The following CYP2A13 variants were observed in gnomAD, a reference collection of about 807,000 sequenced individuals.
The protein encoded by CYP2A13 is cytochrome P450 2A13.
CYP2A13 carries 30 observed loss-of-function variants against 39.4 expected under a neutral mutation model. The observed-to-expected ratio is 0.76, with a 90% CI of 0.57 to 1.03. The LOEUF (loss-of-function observed/expected upper bound fraction) is 1.03, where lower values mean the gene tolerates loss of function less well. CYP2A13 is among the 50% of genes least tolerant of loss of function. The pLI is 0.00. For synonymous variants in CYP2A13, 269 were observed against 254.7 expected (o/e 1.06, Z -0.54); for missense variants, 731 against 648.4 (o/e 1.13, Z -1.38).
intron 2 of CYP2A13, 94 bp downstream of exon 2, chr19:41,089,185 C>A: frequency 6.4e-7 from 1 of 1,566,012 alleles, no homozygotes; most frequent in Non-Finnish European, 8.7e-7. Context: ...CCACTGGAGG[C>A]TATGGCAGAG....
At chr19:41,095,335 A>T (rs2031281318) in intron 8 of CYP2A13, among the ~76,000 whole-genome samples, 1 of 152,156 alleles carries the variant, frequency 6.6e-6, no homozygotes, top group Non-Finnish European at 1.5e-5. Flanking sequence ...CTAGGGTCAC[A>T]CAGCAGATTC....
Position 41,090,141 on chromosome 19 carries a change from G to C in CYP2A13, c.438G>C (p.Glu146Asp). 1 of 1,605,158 alleles carries C rather than the reference G, an allele frequency of 6.2e-7. No individual in the cohort carries two copies. The part of the protein sequence containing the change: ...RGFGVGKRGI[E>D]ERIQEEAGFL... The stretch of plus-strand genomic sequence containing the variant: ...TTGGCGTGGGCAAGCGCGGCATCGA[G>C]GAACGCATCCAGGAGGAGGCGGGCT... The change falls in exon 3 of 9, where the codon GAG (glutamate) becomes GAC (aspartate). Residue 146 changes from glutamate (E) to aspartate (D), a missense_variant. Physicochemically the swap from Glu to Asp is conservative, Grantham distance 45. Coordinates refer to ENST00000330436, the MANE Select transcript of CYP2A13 (RefSeq NM_000766.5).
chr19:41,093,617 C>T lies in CYP2A13; in HGVS notation c.832-13C>T. ...GGAGAGTGAGCTTGGTCTAAACCGC[C>T]CTCTCCCTGCAGGAGGAGAAGAACC... On this transcript the variant is annotated splice_polypyrimidine_tract_variant and intron_variant, in intron 5 of 8. Coordinates refer to ENST00000330436, the MANE Select transcript of CYP2A13 (RefSeq NM_000766.5). The T allele has an allele frequency of 6.2e-7, 1 of 1,613,966 alleles. No homozygotes were observed. The highest frequency in any genetic ancestry group is 8.5e-7 in the Non-Finnish European group (1 of 1,179,928).
At position 41,088,659 on chromosome 19, in the gene CYP2A13, A is replaced by G. The variant is rs779969283; in HGVS notation, c.180+8A>G. ...TACAACTCCCTCATGAAGGTGTCCTAAGGCAGGGAGATGGGTGGCACGGGG... is the reference window on the plus strand; with the variant it reads ...TACAACTCCCTCATGAAGGTGTCCTGAGGCAGGGAGATGGGTGGCACGGGG... On this transcript the variant is annotated splice_region_variant and intron_variant, in intron 1 of 8. Transcript: ENST00000330436. 14 of 1,610,626 alleles carry G rather than the reference A, an allele frequency of 8.7e-6. No homozygotes were observed. Among genetic ancestry groups the G allele is most frequent in the Non-Finnish European group, 1.1e-5 (13 of 1,177,712 alleles).
At position 41,088,888 on chromosome 19, in the gene CYP2A13, G is replaced by A. The variant is rs766109792; in HGVS notation, c.181-41G>A. On this transcript the variant is annotated intron_variant, in intron 1 of 8. Coordinates refer to ENST00000330436, the MANE Select transcript of CYP2A13 (RefSeq NM_000766.5). ...TCTCAGTGCTGGGCCCATTCAGAGT[G>A]GGGGCTGCTCCCTCTAACCACTCCC... is the stretch of plus-strand genomic sequence containing the variant. 9 of 1,609,926 alleles carry A rather than the reference G, an allele frequency of 5.6e-6. No homozygotes were observed. The East Asian group carries it at 1.6e-4, about 28-fold the overall frequency.
rs767664532 is a variant in CYP2A13, at chr19:41,090,422, C to T, written c.512C>T (p.Thr171Ile). 1.9e-6 allele frequency: 3 copies of T among 1,614,064 alleles called. No homozygotes were observed. Among genetic ancestry groups the T allele is most frequent in the Non-Finnish European group, 1.7e-6 (2 of 1,180,042 alleles). The change falls in exon 4 of 9, where the codon ACC becomes ATC. Residue 171 changes from threonine to isoleucine, a missense_variant. Thr to Ile is a moderately conservative substitution (Grantham distance 89). Transcript: ENST00000330436. ...CCTGCAGGCGCCAATATCGATCCCA[C>T]CTTCTTCCTGAGCCGCACAGTCTCC... is the stretch of plus-strand genomic sequence containing the variant. ...RGTHGANIDP[T>I]FFLSRTVSNV...
chr19:41,090,799 A>G (rs1250409941), intron 4 of CYP2A13, among the ~76,000 whole-genome samples: 5 of 152,186 alleles, frequency 3.3e-5, no homozygotes, highest in Admixed American at 6.5e-5. Flanking sequence ...GCCTGCTGGC[A>G]GGATGCATAC....
chr19:41,093,886 C>A, intron 6 of CYP2A13, 115 bp downstream of exon 6: 3 of 1,246,014 alleles, frequency 2.4e-6, no homozygotes, highest in Non-Finnish European at 3.3e-6. Flanking sequence ...GCCTTGCTGT[C>A]CAGAGACAGG....
At position 41,094,912 on chromosome 19, in the gene CYP2A13, A is replaced by G. The variant is rs535915920; in HGVS notation, c.1162-47A>G. The G allele has an allele frequency of 5.0e-6, 8 of 1,607,110 alleles. No individual in the cohort carries two copies. The Admixed American group carries it at 6.7e-5, about 13-fold the overall frequency. ...CTGCAGCCCCTGTGTACTTTCACCA[A>G]TCCCCCCAACCTGCCTCATTACACA... is the stretch of plus-strand genomic sequence containing the variant. On this transcript the variant is annotated intron_variant, in intron 7 of 8. Coordinates refer to ENST00000330436, the MANE Select transcript of CYP2A13 (RefSeq NM_000766.5).
rs556462151 is a variant in CYP2A13, at chr19:41,089,069, C to T, written c.321C>T (p.Phe107=). The change falls in exon 2 of 9, where the codon TTC becomes TTT. Residue 107 remains phenylalanine (F), a synonymous_variant. Coordinates refer to ENST00000330436, the MANE Select transcript of CYP2A13 (RefSeq NM_000766.5). The part of the protein sequence containing the change: ...EFSGRGEQAT[F]DWLFKGYGVA... ...GCGGGCGAGGCGAGCAGGCCACCTT[C>T]GACTGGCTCTTCAAAGGCTATGGTG... The T allele has an allele frequency of 9.9e-5, 160 of 1,612,642 alleles. No homozygotes were observed. The Admixed American group carries it at 2.2e-3, about 22-fold the overall frequency.
At chr19:41,092,977 T>A (rs1393777724) in intron 5 of CYP2A13, among the ~76,000 whole-genome samples, 1 of 152,108 alleles carries the variant, frequency 6.6e-6, no homozygotes, top group African/African-American at 2.4e-5. Context: ...TCTCCCCTCA[T>A]CCTTCTCTTT....
At chr19:41,094,876 C>G (rs1568368266) in intron 7 of CYP2A13, 83 bp from the exon 8 acceptor site, 1 of 1,541,174 alleles carries the variant, frequency 6.5e-7, no homozygotes, top group East Asian at 2.3e-5. Flanking sequence ...CCTGGGGCAC[C>G]CTAGTTCCCC....
chr19:41,096,151 G>T lies in CYP2A13; in HGVS notation c.*210G>T, dbSNP rs762183074. ...TGATGAGAGGAAGGGAAACCTTACAGTATGCTACAAAGAGTAGTAATAATA... is the reference window on the plus strand; with the variant it reads ...TGATGAGAGGAAGGGAAACCTTACATTATGCTACAAAGAGTAGTAATAATA... On this transcript the variant is annotated 3_prime_UTR_variant, in exon 9 of 9. Transcript: ENST00000330436. 1.2e-4 allele frequency: 83 copies of T among 699,976 alleles called. No homozygotes were observed. The highest frequency in any genetic ancestry group is 4.2e-4 in the South Asian group (22 of 52,268). 43.4% of individuals were successfully genotyped at this position (699,976 alleles called of 1,614,324 possible).
At chr19:41,094,849 G>A in intron 7 of CYP2A13, 110 bp from the exon 8 acceptor site, 1 of 1,273,880 alleles carries the variant, frequency 7.9e-7, no homozygotes, top group South Asian at 1.3e-5. Flanking sequence ...ACTCCTCCAT[G>A]CCTGCCACTC....
chr19:41,095,624 C>G, intron 8 of CYP2A13, 136 bp from the exon 9 acceptor site: 1 of 1,138,564 alleles, frequency 8.8e-7, no homozygotes, highest in Non-Finnish European at 1.2e-6. Flanking sequence ...CAGGGAGGAT[C>G]GGAGTCTCCT....
chr19:41,090,311 G>T, intron 3 of CYP2A13, 93 bp from the exon 4 acceptor site: 1 of 1,584,572 alleles, frequency 6.3e-7, no homozygotes, highest in South Asian at 1.2e-5. Context: ...GCTGGGATTC[G>T]GCTCAACAGG....
At chr19:41,089,804 GTCTCTCTCTCTC>G (rs752348205) in intron 2 of CYP2A13, among the ~76,000 whole-genome samples, 561 of 26,518 alleles carry the variant, frequency 0.021, 50 homozygotes, top group East Asian at 0.051. Context: ...TTTCTACCCG[GTCTCTCTCTCTC>G]TCTCTCTCTC....
At position 41,088,676 on chromosome 19, in the gene CYP2A13, G is replaced by A. The variant is rs568799332; in HGVS notation, c.180+25G>A. On this transcript the variant is annotated intron_variant, in intron 1 of 8. Transcript: ENST00000330436. The stretch of plus-strand genomic sequence containing the variant: ...GGTGTCCTAAGGCAGGGAGATGGGT[G>A]GCACGGGGTGGGGGCTGCCCAGTTG... The A allele has an allele frequency of 3.4e-5, 55 of 1,601,606 alleles. No homozygotes were observed. In the South Asian group the frequency reaches 5.9e-4, roughly 17 times the overall value.
chr19:41,090,655 C>T, intron 4 of CYP2A13, 91 bp downstream of exon 4: 2 of 1,583,764 alleles, frequency 1.3e-6, no homozygotes, highest in South Asian at 2.3e-5. Context: ...TCCCACCCCC[C>T]TCCAGACAGT....
Sources: gnomAD v4.1 joint callset for allele counts (sites outside exome capture counted in the v4.1 genomes callset) on GRCh38, gnomAD v4.1.1 for gene constraint, MANE v1.5 for transcripts, NCBI Gene and HGNC (gene_info 2026-07-23, HGNC 2026-07-21) for gene names.